Variants in FANCI observed in about 807,000 individuals in gnomAD.
FANCI encodes Fanconi anemia group I protein.
Under a neutral mutation model 176.1 loss-of-function variants are expected in FANCI, and 156 were observed. The observed-to-expected ratio is 0.89, with a 90% CI of 0.78 to 1.01. The LOEUF is 1.01. Ranked by LOEUF, FANCI falls within the 50% of genes least tolerant of loss-of-function variation. The pLI is 0.00. For synonymous variants in FANCI, 613 were observed against 541.7 expected (o/e 1.13, Z -1.83); for missense variants, 1,678 against 1,534.1 (o/e 1.09, Z -1.57).
chr15:89,292,542 T>A lies in FANCI; in HGVS notation c.1993-146T>A, dbSNP rs888640693. On this transcript the variant is annotated intron_variant, in intron 20 of 37. Coordinates refer to ENST00000310775, the MANE Select transcript of FANCI (RefSeq NM_001113378.2). The stretch of plus-strand genomic sequence containing the variant: ...TGCTGTTCAATTAATTTTCCCAGTT[T>A]TGTTAATTTAGATGGACTTAATTTG... The A allele has an allele frequency of 3.6e-6, 3 of 831,366 alleles. No homozygotes were observed. The African/African-American group carries it at 5.2e-5, about 14-fold the overall frequency. 51.5% of individuals were successfully genotyped at this position (831,366 alleles called of 1,614,324 possible).
In FANCI at chr15:89,277,630, A is replaced by AAAAAAAAG. The variant is rs1555445436; in HGVS notation, c.1293+741_1293+742insAAAAAGAA. On this transcript the variant is annotated intron_variant, in intron 13 of 37. Transcript: ENST00000310775. ...CTATCTCAAAAAAAAAAAAAAAAAAAAAGAATCATACTTATTGGTTCATTG... is the reference window on the plus strand; with the variant it reads ...CTATCTCAAAAAAAAAAAAAAAAAAAAAAAAAAGAAGAATCATACTTATTGGTTCATTG... 5.5e-5 allele frequency among the ~76,000 whole-genome samples: 8 copies of AAAAAAAAG among 146,092 alleles called. 1 individual carries two copies. The highest frequency in any genetic ancestry group is 1.1e-4 in the Non-Finnish European group (7 of 66,268).
chr15:89,309,222 G>A (rs1301975576), intron 34 of FANCI, among the ~76,000 whole-genome samples: 1 of 152,156 alleles, frequency 6.6e-6, no homozygotes, highest in Non-Finnish European at 1.5e-5. Context: ...AAATTTTCAT[G>A]TGGGTGCCAT....
At chr15:89,260,632 A>G in intron 3 of FANCI, 81 bp from the exon 4 acceptor site, 3 of 1,551,492 alleles carry the variant, frequency 1.9e-6, no homozygotes, top group Non-Finnish European at 2.7e-6. Context: ...TTTTGTATTT[A>G]ACTACAAACC....
At chr15:89,283,273 T>C in intron 17 of FANCI, 23 bp downstream of exon 17, 1 of 1,613,636 alleles carries the variant, frequency 6.2e-7, no homozygotes. Flanking sequence ...TACGTTAACT[T>C]GCAGTGTGTG....
At chr15:89,271,689 A>G (rs1325090352) in intron 10 of FANCI, among the ~76,000 whole-genome samples, 1 of 152,038 alleles carries the variant, frequency 6.6e-6, no homozygotes, top group Non-Finnish European at 1.5e-5. Flanking sequence ...TTTTTAAGAG[A>G]TGGAGGTCTT....
intron 14 of FANCI, among the ~76,000 whole-genome samples, chr15:89,280,562 C>G (rs945352508): frequency 1.8e-4 from 27 of 151,874 alleles, no homozygotes; most frequent in African/African-American, 6.6e-4. Context: ...TCTTTTAGAA[C>G]CTAGTTTAAG....
intron 2 of FANCI, among the ~76,000 whole-genome samples, chr15:89,253,217 A>T (rs58216270): frequency 0.035 from 5,337 of 152,292 alleles, 307 homozygotes; most frequent in African/African-American, 0.12. Context: ...AAAACACTGA[A>T]ATAAAGATAA....
intron 13 of FANCI, among the ~76,000 whole-genome samples, chr15:89,277,164 AT>A (rs1241325067): frequency 2.6e-5 from 4 of 152,038 alleles, no homozygotes; most frequent in Non-Finnish European, 5.9e-5. Context: ...CTTTTTCATG[AT>A]TTTTCCTTCT....
intron 2 of FANCI, among the ~76,000 whole-genome samples, chr15:89,248,908 C>T (rs1319400129): frequency 6.6e-6 from 1 of 152,122 alleles, no homozygotes; most frequent in African/African-American, 2.4e-5. Flanking sequence ...TATATATAGG[C>T]CAGGCATGGT....
intron 20 of FANCI, among the ~76,000 whole-genome samples, chr15:89,292,340 C>G (rs1454985587): frequency 2.6e-5 from 4 of 152,176 alleles, no homozygotes; most frequent in Non-Finnish European, 5.9e-5. Flanking sequence ...AAGATTCCCT[C>G]AACATAAACC....
In FANCI at chr15:89,308,956, A is replaced by AT. The variant is rs535888296; in HGVS notation, c.3651+1284_3651+1285insT. On this transcript the variant is annotated intron_variant, in intron 34 of 37. Transcript: ENST00000310775. ...GCGAAACTCCGTCTCAAAAAAAAAA[A>AT]AAATAAAGAATCAGCCATCAAGTGG... Among the ~76,000 whole-genome samples the AT allele has an allele frequency of 1.5e-3, 225 of 151,982 alleles. 1 individual carries two copies. The highest frequency in any genetic ancestry group is 4.7e-3 in the African/African-American group (195 of 41,454).
intron 2 of FANCI, among the ~76,000 whole-genome samples, chr15:89,255,746 G>A (rs7168941): frequency 0.091 from 13,784 of 152,166 alleles, 710 homozygotes; most frequent in African/African-American, 0.14. Context: ...GAGGTAACAG[G>A]GATACTTAAA....
At chr15:89,275,030 C>G (rs1333543536) in intron 12 of FANCI, among the ~76,000 whole-genome samples, 1 of 151,848 alleles carries the variant, frequency 6.6e-6, no homozygotes, top group Non-Finnish European at 1.5e-5. Flanking sequence ...ATGCTCCCAC[C>G]TCAGTAGCTG....
chr15:89,257,186 A>G (rs1468503735), intron 2 of FANCI, among the ~76,000 whole-genome samples: 8 of 152,144 alleles, frequency 5.3e-5, no homozygotes, highest in Admixed American at 3.3e-4. Flanking sequence ...GATTACAGGC[A>G]TGAGCCACCA....
In FANCI at chr15:89,316,883, TCAGAAGTGAG is replaced by T; in HGVS notation, c.*427_*436del. On this transcript the variant is annotated 3_prime_UTR_variant, in exon 38 of 38. Coordinates refer to ENST00000310775, the MANE Select transcript of FANCI (RefSeq NM_001113378.2). ...CACCTCAAGAACTGTAACTGAGAGC[TCAGAAGTGAG>T]CAAAGGAGCTTAATGCTAAGGTCAA... 3.9e-6 allele frequency: 5 copies of T among 1,289,532 alleles called. No individual in the cohort carries two copies. The highest frequency in any genetic ancestry group is 3.4e-5 in the Admixed American group (2 of 59,586). 79.9% of individuals were successfully genotyped at this position (1,289,532 alleles called of 1,614,324 possible).
intron 12 of FANCI, among the ~76,000 whole-genome samples, chr15:89,276,130 G>A (rs1596274318): frequency 6.6e-6 from 1 of 152,162 alleles, no homozygotes; most frequent in African/African-American, 2.4e-5. Context: ...TATTTCCACT[G>A]TGGGGTATAA....
At chr15:89,274,418 A>T (rs968003689) in intron 12 of FANCI, 114 bp downstream of exon 12, 1 of 1,159,792 alleles carries the variant, frequency 8.6e-7, no homozygotes, top group Non-Finnish European at 1.3e-6. Context: ...ACAGCTGTTG[A>T]CGTCACACAT....
At position 89,306,035 on chromosome 15, in the gene FANCI, A is replaced by G; in HGVS notation, c.3378A>G (p.Pro1126=). ...SEEASSQATL[P]NQPVEKAIIM... is the part of the protein sequence containing the mutation. Reference sequence around the variant, plus strand: ...AGGCCTCTTCTCAGGCAACCCTACCAAATCAGCCTGTTGAGAAAGCTATCA... The same window carrying G: ...AGGCCTCTTCTCAGGCAACCCTACCGAATCAGCCTGTTGAGAAAGCTATCA... The change falls in exon 32 of 38, where the codon CCA becomes CCG. Residue 1126 remains proline, a synonymous_variant. Transcript: ENST00000310775. The G allele has an allele frequency of 6.2e-7, 1 of 1,614,224 alleles. No homozygotes were observed. Among genetic ancestry groups the G allele is most frequent in the East Asian group, 2.2e-5 (1 of 44,886 alleles).
intron 11 of FANCI, among the ~76,000 whole-genome samples, chr15:89,273,670 T>C (rs1380569255): frequency 2.0e-5 from 3 of 152,196 alleles, no homozygotes; most frequent in Non-Finnish European, 4.4e-5. Flanking sequence ...AGGTTTTTGG[T>C]TTATTCCTCC....
Sources: gnomAD v4.1 joint callset for allele counts (sites outside exome capture counted in the v4.1 genomes callset) on GRCh38, gnomAD v4.1.1 for gene constraint, MANE v1.5 for transcripts, NCBI Gene and HGNC (gene_info 2026-07-23, HGNC 2026-07-21) for gene names.